SEMA3A: variants seen among roughly 807,000 people sequenced by gnomAD.
SEMA3A encodes semaphorin-3A.
Under a neutral mutation model 97.9 loss-of-function variants are expected in SEMA3A, and 29 were observed. That is an observed-to-expected ratio of 0.30 (90% CI 0.22 to 0.40). The LOEUF (loss-of-function observed/expected upper bound fraction) is 0.40, where lower values mean the gene tolerates loss of function less well. Among genes scored for constraint, SEMA3A ranks in the 10% least tolerant of loss-of-function variants. The probability of loss-of-function intolerance (pLI) is 1.00; values close to 1 mark genes in which losing one functional copy is unlikely to be tolerated. For missense variants in SEMA3A, 763 were observed against 951.3 expected (o/e 0.80, Z 2.60); for synonymous variants, 321 against 323.7 (o/e 0.99, Z 0.09).
chr7:84,048,034 A>T (rs1296772392), intron 5 of SEMA3A, among the ~76,000 whole-genome samples: 2 of 152,056 alleles, frequency 1.3e-5, no homozygotes. Context: ...CATAGATATG[A>T]ATCTTATCTT....
At chr7:84,128,759 C>G (rs1043430387) in intron 3 of SEMA3A, among the ~76,000 whole-genome samples, 1 of 152,104 alleles carries the variant, frequency 6.6e-6, no homozygotes, top group Non-Finnish European at 1.5e-5. Context: ...ATCCTGAAAT[C>G]TGCAATCCTC....
In SEMA3A at chr7:84,009,905, C is replaced by CAAA. The variant is rs3074687; in HGVS notation, c.995+1114_995+1116dup. Among the ~76,000 whole-genome samples the CAAA allele has an allele frequency of 9.7e-4, 89 of 91,590 alleles. 1 individual carries two copies. Among genetic ancestry groups the CAAA allele is most frequent in the African/African-American group, 1.8e-3 (41 of 22,970 alleles). 60.1% of individuals were successfully genotyped at this position (91,590 alleles called of 152,430 possible). A position where few individuals can be genotyped will look rare whatever the true frequency, so the allele number is the denominator to read the frequency against. On this transcript the variant is annotated intron_variant, in intron 9 of 16. Coordinates refer to ENST00000265362, the MANE Select transcript of SEMA3A (RefSeq NM_006080.3). The stretch of plus-strand genomic sequence containing the variant: ...TTAAGTTTGAGTTTGACACTGGTTA[C>CAAA]AAAAAAAAAAAAAAAAAAAAAAACC...
At chr7:84,282,042 T>C (rs1800450805) in intron 3 of SEMA3A, among the ~76,000 whole-genome samples, 1 of 152,188 alleles carries the variant, frequency 6.6e-6, no homozygotes, top group Non-Finnish European at 1.5e-5. Flanking sequence ...TGATATTTTC[T>C]ATAATATTCA....
At chr7:84,045,730 A>G (rs540669627) in intron 6 of SEMA3A, among the ~76,000 whole-genome samples, 2 of 151,998 alleles carry the variant, frequency 1.3e-5, no homozygotes, top group African/African-American at 4.8e-5. Flanking sequence ...AAGTTCAGAA[A>G]ACTGGGTTTC....
chr7:84,432,315 G>GT (rs894660797), intron 1 of SEMA3A, among the ~76,000 whole-genome samples: 4 of 151,686 alleles, frequency 2.6e-5, no homozygotes, highest in Non-Finnish European at 5.9e-5. Flanking sequence ...AAATCATTTA[G>GT]TTTTTTTTCT....
intron 4 of SEMA3A, among the ~76,000 whole-genome samples, chr7:84,095,358 C>CACACACAT (rs1211794166): frequency 4.9e-5 from 6 of 122,888 alleles, no homozygotes; most frequent in African/African-American, 2.1e-4. Flanking sequence ...TTTTTATATA[C>CACACACAT]ATATATATAT....
In SEMA3A at chr7:84,046,397, G is replaced by A. The variant is rs751575243; in HGVS notation, c.594C>T (p.Asp198=). The stretch of plus-strand genomic sequence containing the variant: ...GCCCAAGAGTTCGGAAGATAGCAAA[G>A]TCTCGCCCCATAAAATCAGCTGCAG... The part of the protein sequence containing the change: ...SGTAADFMGR[D]FAIFRTLGHH... Residue 198 remains aspartate, a synonymous_variant, in exon 6 of 17, where the codon GAC becomes GAT. Coordinates refer to ENST00000265362, the MANE Select transcript of SEMA3A (RefSeq NM_006080.3). The A allele has an allele frequency of 6.2e-7, 1 of 1,613,236 alleles. No homozygotes were observed. The highest frequency in any genetic ancestry group is 1.7e-5 in the Admixed American group (1 of 59,928).
rs1211794166 is a variant in SEMA3A at position 84,095,358 on chromosome 7, C to CACACACATATATATATATATATAT, written c.453+15111_453+15112insATATATATATATATATATGTGTGT. Among the ~76,000 whole-genome samples the CACACACATATATATATATATATAT allele has an allele frequency of 1.4e-3, 174 of 122,866 alleles. 4 individuals carry two copies. The highest frequency in any genetic ancestry group is 5.5e-3 in the African/African-American group (160 of 28,984). 80.6% of individuals were successfully genotyped at this position (122,866 alleles called of 152,430 possible). A position where few individuals can be genotyped will look rare whatever the true frequency, so the allele number is the denominator to read the frequency against. Reference sequence around the variant, plus strand: ...ATATATATTTTATATTTTTTATATACATATATATATATATATATATATATA... The same window carrying CACACACATATATATATATATATAT: ...ATATATATTTTATATTTTTTATATACACACACATATATATATATATATATATATATATATATATATATATATATA... On this transcript the variant is annotated intron_variant, in intron 4 of 16. Transcript: ENST00000265362.
At chr7:84,251,609 A>C (rs1032291753) in intron 3 of SEMA3A, among the ~76,000 whole-genome samples, 1 of 152,188 alleles carries the variant, frequency 6.6e-6, no homozygotes. Context: ...ACAGAAACCA[A>C]GCTACACAGT....
At position 84,097,937 on chromosome 7, in the gene SEMA3A, A is replaced by AT. The variant is rs1175498377; in HGVS notation, c.453+12532dup. Among the ~76,000 whole-genome samples the AT allele has an allele frequency of 4.6e-5, 7 of 152,240 alleles. No individual in the cohort carries two copies. In the East Asian group the frequency reaches 1.3e-3, roughly 29 times the overall value. ...TTTGTTCCTGCTGGAATTTCCAAAG[A>AT]TTCATAAGTACAAAATTAGAGTAAA... On this transcript the variant is annotated intron_variant, in intron 4 of 16. Coordinates refer to ENST00000265362, the MANE Select transcript of SEMA3A (RefSeq NM_006080.3).
chr7:84,448,210 C>T (rs1370592716), intron 1 of SEMA3A, among the ~76,000 whole-genome samples: 4 of 152,178 alleles, frequency 2.6e-5, no homozygotes, highest in Admixed American at 1.3e-4. Flanking sequence ...CAGGCAAAGA[C>T]GCCACCAGCC....
chr7:84,012,534 A>G (rs1481036603), intron 7 of SEMA3A, among the ~76,000 whole-genome samples: 3 of 152,224 alleles, frequency 2.0e-5, no homozygotes, highest in African/African-American at 7.2e-5. Context: ...TATTTAATGA[A>G]TGGATGATAA....
intron 5 of SEMA3A, among the ~76,000 whole-genome samples, chr7:84,055,368 T>C (rs1326267375): frequency 5.3e-5 from 8 of 152,204 alleles, no homozygotes; most frequent in African/African-American, 9.6e-5. Flanking sequence ...TCCGTGGGCG[T>C]AGGACCCTCC....
chr7:84,137,139 G>A (rs1020046270), intron 1 of SEMA3A, among the ~76,000 whole-genome samples: 1 of 152,000 alleles, frequency 6.6e-6, no homozygotes, highest in Non-Finnish European at 1.5e-5. Flanking sequence ...GGTGGCTCAT[G>A]CCTGTAATCT....
At chr7:84,425,138 T>C (rs1424279234) in intron 1 of SEMA3A, among the ~76,000 whole-genome samples, 1 of 110,538 alleles carries the variant, frequency 9.0e-6, no homozygotes, top group Non-Finnish European at 1.6e-5. Context: ...TATATATAAA[T>C]ATTATATATA....
At chr7:84,177,087 A>G (rs1452924917) in intron 1 of SEMA3A, among the ~76,000 whole-genome samples, 3 of 152,190 alleles carry the variant, frequency 2.0e-5, no homozygotes, top group Non-Finnish European at 2.9e-5. Context: ...AAGCATGTTC[A>G]TTCAAATAAA....
intron 3 of SEMA3A, among the ~76,000 whole-genome samples, chr7:84,237,240 C>T (rs1799256744): frequency 6.6e-6 from 1 of 152,082 alleles, no homozygotes; most frequent in Non-Finnish European, 1.5e-5. Context: ...AAGTGAATTT[C>T]TGAGCACCAA....
intron 1 of SEMA3A, among the ~76,000 whole-genome samples, chr7:84,146,245 G>A (rs1462222118): frequency 1.3e-5 from 2 of 152,090 alleles, no homozygotes; most frequent in Non-Finnish European, 2.9e-5. Flanking sequence ...TATACGTGGA[G>A]GAAATGGTTA....
chr7:84,270,089 A>G (rs1490494594), intron 3 of SEMA3A, among the ~76,000 whole-genome samples: 1 of 152,114 alleles, frequency 6.6e-6, no homozygotes, highest in Non-Finnish European at 1.5e-5. Context: ...CTGAGGTAAG[A>G]TCAGTTTTCA....
Sources: allele counts gnomAD v4.1 joint callset (sites outside exome capture counted in the v4.1 genomes callset), GRCh38; gene constraint gnomAD v4.1.1; transcripts MANE v1.5; gene names NCBI Gene and HGNC (gene_info 2026-07-23, HGNC 2026-07-21).